The following JAK1 variants were observed in gnomAD, a reference collection of about 807,000 sequenced individuals.
The protein encoded by JAK1 is tyrosine-protein kinase JAK1.
A neutral mutation model predicts 136.6 loss-of-function variants in JAK1; 16 were observed. That is an observed-to-expected ratio of 0.12 (90% CI 0.08 to 0.18). The LOEUF is 0.18. Ranked by LOEUF, JAK1 falls within the 10% of genes least tolerant of loss-of-function variation. The pLI is 1.00. For synonymous variants in JAK1, 492 were observed against 519.5 expected (o/e 0.95, Z 0.72); for missense variants, 859 against 1,450.1 (o/e 0.59, Z 6.62).
intron 1 of JAK1, among the ~76,000 whole-genome samples, chr1:64,948,867 C>T (rs1333953307): frequency 6.6e-6 from 1 of 152,200 alleles, no homozygotes; most frequent in Non-Finnish European, 1.5e-5. Flanking sequence ...GTTAATGGTA[C>T]TTGGAGGGAA....
In JAK1 at chr1:64,873,415, T is replaced by G. The variant is rs766319320; in HGVS notation, c.438A>C (p.Ala146=). ...NGYEKKKIPD[A]TPLLDASSLE... ...GTGAGCTGGCATCAAGGAGAGGGGTTGCATCTGGAATCTTTTTTTTCTCGT... is the reference window on the plus strand; with the variant it reads ...GTGAGCTGGCATCAAGGAGAGGGGTGGCATCTGGAATCTTTTTTTTCTCGT... The change falls in exon 5 of 25, where the codon GCA becomes GCC. Residue 146 remains alanine (A), a synonymous_variant. Coordinates refer to ENST00000342505, the MANE Select transcript of JAK1 (RefSeq NM_002227.4). 9.9e-5 allele frequency: 160 copies of G among 1,614,076 alleles called. No homozygotes were observed. Among genetic ancestry groups the G allele is most frequent in the Non-Finnish European group, 1.3e-4 (151 of 1,180,040 alleles).
In JAK1 at chr1:64,850,851, T is replaced by C; in HGVS notation, c.1708A>G (p.Met570Val). 6.2e-7 allele frequency: 1 copy of C among 1,614,088 alleles called. No individual in the cohort carries two copies. Among genetic ancestry groups the C allele is most frequent in the African/African-American group, 1.3e-5 (1 of 75,034 alleles). ...ATCCGATCGAAACTCAGCTGGCTCA[T>C]GGGGTAGACGGGCTGCCACTCCTGG... ...KAQEWQPVYPMSQLSFDRILK... is the reference protein window; with the variant it reads ...KAQEWQPVYPVSQLSFDRILK... Residue 570 changes from methionine to valine, a missense_variant, in exon 12 of 25, where the codon ATG becomes GTG. Physicochemically the swap from Met to Val is conservative, Grantham distance 21. Transcript: ENST00000342505.
At chr1:65,009,628 A>G (rs531224573) in intron 2 of JAK1, among the ~76,000 whole-genome samples, 1 of 152,232 alleles carries the variant, frequency 6.6e-6, no homozygotes, top group Non-Finnish European at 1.5e-5. Flanking sequence ...CTTGCAGTTT[A>G]CAATTAATAA....
intron 1 of JAK1, among the ~76,000 whole-genome samples, chr1:64,965,922 G>A (rs1308567914): frequency 6.6e-6 from 1 of 152,144 alleles, no homozygotes; most frequent in African/African-American, 2.4e-5. Context: ...ACCCCGGCCG[G>A]GAGCTGGCGG....
intron 2 of JAK1, among the ~76,000 whole-genome samples, chr1:65,043,194 CATCTTTGTA>C (rs1397476285): frequency 3.3e-5 from 5 of 152,150 alleles, no homozygotes; most frequent in Admixed American, 2.6e-4. Context: ...CATGGTATTG[CATCTTTGTA>C]ATTAGCCTCC....
intron 1 of JAK1, among the ~76,000 whole-genome samples, chr1:64,928,005 A>G (rs963196106): frequency 2.6e-5 from 4 of 152,230 alleles, no homozygotes; most frequent in Non-Finnish European, 5.9e-5. Flanking sequence ...CAAAGACAAT[A>G]TATAGACTAG....
intron 1 of JAK1, among the ~76,000 whole-genome samples, chr1:65,052,280 C>T (rs1450067047): frequency 6.6e-6 from 1 of 152,060 alleles, no homozygotes; most frequent in African/African-American, 2.4e-5. Context: ...AGTGGGAATC[C>T]TTACACTCAT....
At chr1:64,903,037 G>A (rs1343273374) in intron 1 of JAK1, among the ~76,000 whole-genome samples, 1 of 152,028 alleles carries the variant, frequency 6.6e-6, no homozygotes, top group Non-Finnish European at 1.5e-5. Flanking sequence ...TGGTTGGTAA[G>A]GACAAAGAGA....
intron 2 of JAK1, among the ~76,000 whole-genome samples, chr1:64,982,248 G>T (rs989041578): frequency 5.3e-5 from 8 of 152,148 alleles, no homozygotes; most frequent in Non-Finnish European, 1.0e-4. Flanking sequence ...TGTAAAATGG[G>T]AGCTGACACT....
intron 1 of JAK1, among the ~76,000 whole-genome samples, chr1:65,048,532 C>T (rs906383101): frequency 6.6e-6 from 1 of 152,168 alleles, no homozygotes; most frequent in African/African-American, 2.4e-5. Context: ...AGTATTCAAC[C>T]GATTAAATGC....
intron 2 of JAK1, among the ~76,000 whole-genome samples, chr1:65,039,723 A>G (rs958687895): frequency 6.6e-6 from 1 of 152,130 alleles, no homozygotes; most frequent in African/African-American, 2.4e-5. Context: ...TCAGCAGGAA[A>G]GGTATTTTTG....
intron 1 of JAK1, among the ~76,000 whole-genome samples, chr1:64,940,977 C>G (rs991971292): frequency 9.9e-5 from 15 of 152,060 alleles, no homozygotes; most frequent in Admixed American, 9.8e-4. Context: ...CACACCTGAG[C>G]AACATGGCAA....
In JAK1 at chr1:64,844,108, A is replaced by G; in HGVS notation, c.2359T>C (p.Cys787Arg). Residue 787 changes from cysteine (C) to arginine (R), a missense_variant, in exon 17 of 25, where the codon TGC becomes CGC. This residue lies in a region of JAK1 where 409 missense variants were observed against 753.8 expected (regional missense o/e 0.54). Coordinates refer to ENST00000342505, the MANE Select transcript of JAK1 (RefSeq NM_002227.4). This position sits in a 1 kb window ranked among gnomAD's most constrained non-coding sequence, Gnocchi z 5.7. ...TTCAAGGGGATCTCGCCATTGTAGC[A>G]GATTTCCCAGAGCGTGGTTCCAAAG... The part of the protein sequence containing the change: ...WSFGTTLWEI[C>R]YNGEIPLKDK... 1.9e-6 allele frequency: 3 copies of G among 1,614,222 alleles called. No homozygotes were observed. The highest frequency in any genetic ancestry group is 2.5e-6 in the Non-Finnish European group (3 of 1,180,040).
rs1644937911 is a variant in JAK1 at position 64,891,629 on chromosome 1, G to A, written c.-77-5288C>T. ...CTGCCAGTGGCTTCACACCCATAGAGCCACCGAAAATGACTTGTATCTATT... is the reference window on the plus strand; with the variant it reads ...CTGCCAGTGGCTTCACACCCATAGAACCACCGAAAATGACTTGTATCTATT... On this transcript the variant is annotated intron_variant, in intron 1 of 24. Transcript: ENST00000342505. Among the ~76,000 whole-genome samples the A allele has an allele frequency of 2.0e-5, 3 of 152,138 alleles. No homozygotes were observed. The South Asian group carries it at 6.2e-4, about 31-fold the overall frequency.
chr1:64,884,993 C>A (rs545450211), intron 2 of JAK1, among the ~76,000 whole-genome samples: 16 of 152,296 alleles, frequency 1.1e-4, no homozygotes, highest in Non-Finnish European at 1.9e-4. Flanking sequence ...ACAGGGCAGA[C>A]AGCAGTCACA....
Position 64,838,027 on chromosome 1 carries a change from G to A in JAK1, c.3045C>T (p.His1015=), listed in dbSNP as rs749432244. The change falls in exon 22 of 25, where the codon CAC becomes CAT. Residue 1015 remains histidine, a synonymous_variant. Transcript: ENST00000342505. ...AARNVLVESE[H]QVKIGDFGLT... ...AACCGAAGTCTCCAATTTTCACTTG[G>A]TGTTCACTCTCAACAAGGACATTTC... 2 of 1,614,152 alleles carry A rather than the reference G, an allele frequency of 1.2e-6. No individual in the cohort carries two copies. The highest frequency in any genetic ancestry group is 1.7e-6 in the Non-Finnish European group (2 of 1,180,020).
Position 65,011,403 on chromosome 1 carries a change from A to G in JAK1, c.-78+33077T>C, listed in dbSNP as rs377516211. Among the ~76,000 whole-genome samples the G allele has an allele frequency of 1.2e-4, 18 of 152,112 alleles. 1 individual carries two copies. Among genetic ancestry groups the G allele is most frequent in the Admixed American group, 3.3e-4 (5 of 15,266 alleles). ...AGGCAGGAGGATCACTTGAGCCCGGAAGATCGAAGCTGTAGCAGCCTGGGT... is the reference window on the plus strand; with the variant it reads ...AGGCAGGAGGATCACTTGAGCCCGGGAGATCGAAGCTGTAGCAGCCTGGGT... On this transcript the variant is annotated intron_variant, in intron 2 of 25. Transcript: ENST00000671954.
At chr1:64,933,091 C>T (rs993886857) in intron 1 of JAK1, among the ~76,000 whole-genome samples, 9 of 152,040 alleles carry the variant, frequency 5.9e-5, no homozygotes, top group Admixed American at 2.6e-4. Flanking sequence ...GGTAGCTATA[C>T]GTGCCAGGCA....
At chr1:64,840,115 A>G (rs998117497) in intron 19 of JAK1, among the ~76,000 whole-genome samples, 1 of 152,250 alleles carries the variant, frequency 6.6e-6, no homozygotes, top group African/African-American at 2.4e-5. Context: ...GTTCTCTAAA[A>G]GCCCTGGGCT....
Sources: gnomAD v4.1 joint callset for allele counts (sites outside exome capture counted in the v4.1 genomes callset) on GRCh38, gnomAD v4.1.1 for gene constraint, gnomAD v4.1.1 regional missense constraint, Gnocchi (gnomAD v3.1) non-coding constraint, MANE v1.5 for transcripts, NCBI Gene and HGNC (gene_info 2026-07-23, HGNC 2026-07-21) for gene names.